ANK2: variants seen among roughly 807,000 people sequenced by gnomAD.
ANK2 encodes ankyrin-2.
A neutral mutation model predicts 360.5 loss-of-function variants in ANK2; 83 were observed. The ratio of observed to expected loss-of-function variants is 0.23; its 90% CI spans 0.19 to 0.28. ANK2 has a LOEUF of 0.28. ANK2 is among the 10% of genes least tolerant of loss of function. The pLI, the probability that ANK2 is intolerant of heterozygous loss-of-function variation, is 1.00. For missense variants in ANK2, 4,201 were observed against 4,795.7 expected (o/e 0.88, Z 3.66); for synonymous variants, 1,740 against 1,759.5 (o/e 0.99, Z 0.28).
At chr4:112,757,937 TGGCGCCGTCCTGGCCCACTGCAAC>T in the ANK2 span, among the ~76,000 whole-genome samples, 7,071 of 151,518 alleles carry the variant, frequency 0.047, 212 homozygotes, top group Non-Finnish European at 0.076. Context: ...TGGCGTGCAA[TGGCGCCGTCCTGGCCCACTGCAAC>T]GGCGCCGTCC....
intron 1 of ANK2, chr4:113,071,912 C>T (rs1580741052): frequency 6.6e-6 from 1 of 152,414 alleles, no homozygotes; most frequent in Middle Eastern, 3.4e-3. Flanking sequence ...TCCTTCTTCA[C>T]ATGGCAGCAG....
At chr4:112,810,103 TAAAG>T in the ANK2 span, among the ~76,000 whole-genome samples, 1 of 142,704 alleles carries the variant, frequency 7.0e-6, no homozygotes. Flanking sequence ...ATCTCTAAAA[TAAAG>T]ATATTTTAAT....
At chr4:112,708,077 A>G in the ANK2 span, among the ~76,000 whole-genome samples, 1 of 152,232 alleles carries the variant, frequency 6.6e-6, no homozygotes. Flanking sequence ...GAACAGAAGT[A>G]CTGACAACCT....
intron 5 of ANK2, among the ~76,000 whole-genome samples, chr4:113,234,924 C>G (rs533865784): frequency 6.6e-6 from 1 of 152,302 alleles, no homozygotes; most frequent in South Asian, 2.1e-4. Context: ...AAATGTTTAG[C>G]CTTGTCCCAT....
intron 2 of ANK2, among the ~76,000 whole-genome samples, chr4:112,998,896 G>C (rs2049597799): frequency 6.6e-6 from 1 of 152,122 alleles, no homozygotes; most frequent in Non-Finnish European, 1.5e-5. Context: ...AAGTCTTTCT[G>C]TATATACTTC....
In ANK2 at chr4:113,381,638, TGA is replaced by T. The variant is rs759078123; in HGVS notation, c.*169_*170del. 2 of 1,548,340 alleles carry T rather than the reference TGA, an allele frequency of 1.3e-6. No individual in the cohort carries two copies. Among genetic ancestry groups the T allele is most frequent in the Non-Finnish European group, 1.7e-6 (2 of 1,147,530 alleles). ...GGAGGACTTGAAGCAAGAGGCCAAG[TGA>T]GGGGCTGCCCAGTTCTCACACCAGA... On this transcript the variant is annotated 3_prime_UTR_variant, in exon 46 of 46. Coordinates refer to ENST00000357077, the MANE Select transcript of ANK2 (RefSeq NM_001148.6).
intron 2 of ANK2, among the ~76,000 whole-genome samples, chr4:113,018,309 T>C (rs2057179775): frequency 6.6e-6 from 1 of 152,200 alleles, no homozygotes; most frequent in African/African-American, 2.4e-5. Context: ...TTTTGAGAGA[T>C]ATTAGTCTTT....
At chr4:113,109,913 A>G (rs1011425650) in intron 1 of ANK2, among the ~76,000 whole-genome samples, 1 of 152,204 alleles carries the variant, frequency 6.6e-6, no homozygotes, top group Non-Finnish European at 1.5e-5. Flanking sequence ...AAAAAGCTCA[A>G]ACATGCTTTA....
chr4:113,199,549 G>A (rs1397871970), intron 4 of ANK2, among the ~76,000 whole-genome samples: 2 of 152,004 alleles, frequency 1.3e-5, no homozygotes, highest in Non-Finnish European at 2.9e-5. Flanking sequence ...CACCCCTAAT[G>A]TGAGCTTTAC....
Position 113,330,333 on chromosome 4 carries a change from G to T in ANK2, c.2988G>T (p.Arg996=). The change falls in exon 27 of 46, where the codon CGG becomes CGT. Residue 996 remains arginine, a synonymous_variant. Transcript: ENST00000357077. ...HNGLRIIIPP[R]KCTAPTRVTC... ...GGCTCCGAATCATTATTCCACCTCG[G>T]AAATGTACTGCTCCAACGCGAGTCA... 1 of 1,614,198 alleles carries T rather than the reference G, an allele frequency of 6.2e-7. No homozygotes were observed.
Position 113,333,213 on chromosome 4 carries a change from T to C in ANK2, c.3379+5T>C, listed in dbSNP as rs1325780559. 2 of 1,614,138 alleles carry C rather than the reference T, an allele frequency of 1.2e-6. No individual in the cohort carries two copies. The highest frequency in any genetic ancestry group is 2.2e-5 in the East Asian group (1 of 44,880). On this transcript the variant is annotated splice_donor_5th_base_variant and intron_variant, in intron 29 of 45. Transcript: ENST00000357077. ...TTCTTAACGGCATGGATGAAGGTACTTTCAGATGAAGCGTTTTAAAAGAAA... is the reference window on the plus strand; with the variant it reads ...TTCTTAACGGCATGGATGAAGGTACCTTCAGATGAAGCGTTTTAAAAGAAA...
chr4:112,803,349 T>A, the ANK2 span, among the ~76,000 whole-genome samples: 8 of 152,150 alleles, frequency 5.3e-5, no homozygotes, highest in Admixed American at 5.2e-4. Flanking sequence ...AAAAGCCTAC[T>A]TTATAAGCGA....
chr4:113,201,051 G>C (rs1210192366), intron 4 of ANK2, among the ~76,000 whole-genome samples: 4 of 151,974 alleles, frequency 2.6e-5, no homozygotes, highest in African/African-American at 9.7e-5. Flanking sequence ...ATAAACAAAA[G>C]AGTGAAGGTG....
intron 14 of ANK2, among the ~76,000 whole-genome samples, chr4:113,271,865 C>T (rs1298201019): frequency 1.3e-5 from 2 of 152,188 alleles, no homozygotes; most frequent in Non-Finnish European, 2.9e-5. Flanking sequence ...AATGTGTTTG[C>T]ACCCAGGTCC....
At chr4:112,721,481 G>A in the ANK2 span, among the ~76,000 whole-genome samples, 1 of 142,556 alleles carries the variant, frequency 7.0e-6, no homozygotes, top group Admixed American at 7.8e-5. Flanking sequence ...GGTGGAGGTT[G>A]CAGTGAGCTG....
chr4:113,129,310 A>G (rs2095863796), intron 1 of ANK2, among the ~76,000 whole-genome samples: 1 of 152,238 alleles, frequency 6.6e-6, no homozygotes, highest in Non-Finnish European at 1.5e-5. Flanking sequence ...AAATTGTATT[A>G]GCAAATTGTT....
At chr4:112,830,792 C>G (rs913178125) in intron 1 of ANK2, among the ~76,000 whole-genome samples, 1 of 152,160 alleles carries the variant, frequency 6.6e-6, no homozygotes, top group Non-Finnish European at 1.5e-5. Flanking sequence ...CCTCTGCTTG[C>G]AGGGAGGTGT....
At chr4:113,185,991 G>A (rs892468829) in intron 2 of ANK2, among the ~76,000 whole-genome samples, 7 of 152,138 alleles carry the variant, frequency 4.6e-5, no homozygotes, top group Non-Finnish European at 7.4e-5. Flanking sequence ...AGACTTAAAC[G>A]TTCCTGCCTG....
At chr4:113,273,802 A>T (rs1171129568) in intron 14 of ANK2, among the ~76,000 whole-genome samples, 1 of 152,150 alleles carries the variant, frequency 6.6e-6, no homozygotes, top group East Asian at 1.9e-4. Context: ...TCTGTTTTTA[A>T]TGGAAAGTAC....
Sources: allele counts gnomAD v4.1 joint callset (sites outside exome capture counted in the v4.1 genomes callset), GRCh38; gene constraint gnomAD v4.1.1; transcripts MANE v1.5; gene names NCBI Gene and HGNC (gene_info 2026-07-23, HGNC 2026-07-21).